Variants in SOX5 observed in about 807,000 individuals in gnomAD.
The protein encoded by SOX5 is SRY-box transcription factor 5.
In SOX5, 9 loss-of-function variants were observed where a neutral mutation model predicts 92.0. The ratio of observed to expected loss-of-function variants is 0.10; its 90% CI spans 0.06 to 0.17. The LOEUF (loss-of-function observed/expected upper bound fraction) is 0.17, where lower values mean the gene tolerates loss of function less well. Among genes scored for constraint, SOX5 ranks in the 10% least tolerant of loss-of-function variants. SOX5 has a pLI of 1.00. For missense variants in SOX5, 642 were observed against 944.5 expected (o/e 0.68, Z 4.20); for synonymous variants, 344 against 336.3 (o/e 1.02, Z -0.25).
At chr12:23,839,840 A>T (rs1042871385) in intron 3 of SOX5, among the ~76,000 whole-genome samples, 11 of 151,732 alleles carry the variant, frequency 7.2e-5, no homozygotes, top group Non-Finnish European at 1.5e-4. Context: ...AAAAAAAAAA[A>T]AAATTACAAA....
intron 4 of SOX5, among the ~76,000 whole-genome samples, chr12:24,114,212 A>C (rs1272289751): frequency 6.6e-6 from 1 of 151,990 alleles, no homozygotes; most frequent in Non-Finnish European, 1.5e-5. Flanking sequence ...CAAAATTTTC[A>C]AAAAAAAGTC....
chr12:23,698,965 C>T lies in SOX5; in HGVS notation c.811-33401G>A, dbSNP rs116021082. On this transcript the variant is annotated intron_variant, in intron 6 of 14. Coordinates refer to ENST00000451604, the MANE Select transcript of SOX5 (RefSeq NM_006940.6). ...GTGAAAACAGAAAGTATTTCTAGCA[C>T]AGGTGAGAACTGAGGATTATTGTTC... Among the ~76,000 whole-genome samples the T allele has an allele frequency of 6.4e-3, 982 of 152,270 alleles. 15 individuals are homozygous for T. The highest frequency in any genetic ancestry group is 0.022 in the African/African-American group (917 of 41,538).
At chr12:23,570,928 AAAAT>A (rs1943188646) in intron 10 of SOX5, among the ~76,000 whole-genome samples, 1 of 23,192 alleles carries the variant, frequency 4.3e-5, no homozygotes, top group African/African-American at 1.8e-4. Flanking sequence ...AAAAAAAAAA[AAAAT>A]ATATATATAT....
chr12:23,709,569 G>A (rs1325122013), intron 6 of SOX5, among the ~76,000 whole-genome samples: 3 of 152,306 alleles, frequency 2.0e-5, no homozygotes, highest in South Asian at 4.1e-4. Context: ...TACGAGAGCC[G>A]CTTTAATTCT....
chr12:24,196,603 G>T (rs1471676840), intron 4 of SOX5, among the ~76,000 whole-genome samples: 2 of 151,978 alleles, frequency 1.3e-5, no homozygotes, highest in African/African-American at 4.8e-5. Context: ...TACCTCTCTT[G>T]TTTATATTCA....
intron 7 of SOX5, among the ~76,000 whole-genome samples, chr12:23,657,642 A>T (rs2139219394): frequency 6.6e-6 from 1 of 152,272 alleles, no homozygotes. Context: ...AGGTTGATGA[A>T]CTTAGTCTGT....
At chr12:24,284,931 C>T (rs1945674678) in intron 2 of SOX5, among the ~76,000 whole-genome samples, 1 of 152,158 alleles carries the variant, frequency 6.6e-6, no homozygotes, top group Non-Finnish European at 1.5e-5. Context: ...TCGAGACCAG[C>T]CTGACCAACA....
intron 3 of SOX5, among the ~76,000 whole-genome samples, chr12:23,785,263 A>G (rs1005849125): frequency 6.6e-6 from 1 of 152,168 alleles, no homozygotes; most frequent in African/African-American, 2.4e-5. Flanking sequence ...GAATTTAGAC[A>G]TTACTTTAAA....
upstream of SOX5, chr12:23,950,959 C>A: frequency 8.9e-7 from 1 of 1,119,560 alleles, no homozygotes; most frequent in Non-Finnish European, 1.3e-6. Context: ...AGATAGTGTG[C>A]ATTCTTCACA....
chr12:23,671,485 T>G (rs939115111), intron 6 of SOX5, among the ~76,000 whole-genome samples: 2 of 152,038 alleles, frequency 1.3e-5, no homozygotes, highest in Admixed American at 6.6e-5. Context: ...CAAATGAGAT[T>G]ACAAGAGGGG....
At chr12:24,014,879 G>T (rs1040047772) in intron 4 of SOX5, among the ~76,000 whole-genome samples, 2 of 152,084 alleles carry the variant, frequency 1.3e-5, no homozygotes, top group Non-Finnish European at 2.9e-5. Flanking sequence ...TTCATTAAGT[G>T]CTTTTTGGGA....
intron 4 of SOX5, among the ~76,000 whole-genome samples, chr12:24,191,322 T>G (rs1186973890): frequency 1.3e-5 from 2 of 152,202 alleles, no homozygotes; most frequent in Non-Finnish European, 2.9e-5. Context: ...GAGTCAGCAG[T>G]TAGTTTCCAT....
chr12:24,307,142 T>C (rs886093888), intron 2 of SOX5, among the ~76,000 whole-genome samples: 5 of 152,064 alleles, frequency 3.3e-5, no homozygotes, highest in Admixed American at 1.3e-4. Flanking sequence ...CAGGAGAACT[T>C]AACTAACATA....
chr12:23,541,846 C>G (rs61923824), intron 13 of SOX5, among the ~76,000 whole-genome samples: 21,444 of 152,234 alleles, frequency 0.14, 1,962 homozygotes, highest in Non-Finnish European at 0.21. Flanking sequence ...CGTGGTGGCT[C>G]ATGCCTGTAA....
chr12:23,685,141 G>A (rs1441621103), intron 6 of SOX5, among the ~76,000 whole-genome samples: 1 of 152,072 alleles, frequency 6.6e-6, no homozygotes, highest in Non-Finnish European at 1.5e-5. Flanking sequence ...AGTAGTCAAA[G>A]GTTGTAGTGA....
chr12:24,062,694 C>G (rs1024722753), intron 4 of SOX5, among the ~76,000 whole-genome samples: 4 of 152,204 alleles, frequency 2.6e-5, no homozygotes, highest in Non-Finnish European at 5.9e-5. Context: ...TAGCATCATA[C>G]TAAGTTATAA....
At chr12:23,789,233 TA>T (rs34760496) in intron 3 of SOX5, among the ~76,000 whole-genome samples, 71,955 of 148,292 alleles carry the variant, frequency 0.49, 17,371 homozygotes, top group East Asian at 0.82. Context: ...TTCTTTGAAA[TA>T]AAAAAAAAAA....
At chr12:23,864,583 T>C (rs920735278) in intron 2 of SOX5, among the ~76,000 whole-genome samples, 1 of 152,124 alleles carries the variant, frequency 6.6e-6, no homozygotes, top group Admixed American at 6.6e-5. Context: ...AATATAAAGT[T>C]GTATTGGTCT....
intron 2 of SOX5, among the ~76,000 whole-genome samples, chr12:24,286,332 T>C (rs1413920541): frequency 6.6e-6 from 1 of 152,134 alleles, no homozygotes; most frequent in African/African-American, 2.4e-5. Context: ...TCAGAAAAGA[T>C]CAACCCAGAG....
Sources: gnomAD v4.1 joint callset for allele counts (sites outside exome capture counted in the v4.1 genomes callset) on GRCh38, gnomAD v4.1.1 for gene constraint, MANE v1.5 for transcripts, NCBI Gene and HGNC (gene_info 2026-07-23, HGNC 2026-07-21) for gene names.